Variants in PLD5 observed in about 807,000 individuals in gnomAD.
The protein encoded by PLD5 is inactive phospholipase D5.
In PLD5, 36 loss-of-function variants were observed where a neutral mutation model predicts 61.1. The ratio of observed to expected loss-of-function variants is 0.59; its 90% CI spans 0.45 to 0.78. The LOEUF (loss-of-function observed/expected upper bound fraction) is 0.78, where lower values mean the gene tolerates loss of function less well. Ranked by LOEUF, PLD5 falls within the 30% of genes least tolerant of loss-of-function variation. The probability of loss-of-function intolerance (pLI) is 0.00; values close to 1 mark genes in which losing one functional copy is unlikely to be tolerated. For missense variants in PLD5, 515 were observed against 644.4 expected (o/e 0.80, Z 2.17); for synonymous variants, 243 against 242.8 (o/e 1.00, Z -0.01).
chr1:242,136,405 G>C (rs151258304), intron 5 of PLD5, among the ~76,000 whole-genome samples: 42 of 152,194 alleles, frequency 2.8e-4, no homozygotes, highest in African/African-American at 1.0e-3. Flanking sequence ...CTTGTAGACT[G>C]GTCGTATTTT....
chr1:242,492,734 T>C (rs151056891), intron 1 of PLD5, among the ~76,000 whole-genome samples: 3 of 152,240 alleles, frequency 2.0e-5, no homozygotes, highest in Admixed American at 2.0e-4. Flanking sequence ...GGCTGGGAAG[T>C]CCAAGAACAA....
intron 1 of PLD5, among the ~76,000 whole-genome samples, chr1:242,428,813 GAA>G (rs1665566912): frequency 2.0e-5 from 3 of 152,146 alleles, no homozygotes; most frequent in Non-Finnish European, 4.4e-5. Context: ...AAGAAGGGAA[GAA>G]ATCACGATGA....
chr1:242,158,460 T>C (rs979408939), intron 5 of PLD5, among the ~76,000 whole-genome samples: 2 of 152,136 alleles, frequency 1.3e-5, no homozygotes, highest in Admixed American at 1.3e-4. Flanking sequence ...AGAGGGAATC[T>C]CCTGGTCTGC....
intron 4 of PLD5, among the ~76,000 whole-genome samples, chr1:242,250,024 C>T (rs1023838356): frequency 1.3e-5 from 2 of 152,142 alleles, no homozygotes; most frequent in African/African-American, 4.8e-5. Context: ...GCATGGTTCC[C>T]TTCATATGAA....
intron 5 of PLD5, among the ~76,000 whole-genome samples, chr1:242,167,243 G>GAC (rs1291342381): frequency 6.6e-6 from 1 of 152,080 alleles, no homozygotes; most frequent in African/African-American, 2.4e-5. Context: ...TGCTAATAAA[G>GAC]ACATATCCAA....
intron 1 of PLD5, among the ~76,000 whole-genome samples, chr1:242,360,753 A>C (rs372277695): frequency 0.021 from 3,220 of 152,220 alleles, 50 homozygotes; most frequent in East Asian, 0.033. Flanking sequence ...ATCTCCTTTA[A>C]CCAAAAAAAC....
intron 9 of PLD5, among the ~76,000 whole-genome samples, chr1:242,091,839 T>C (rs150681630): frequency 0.014 from 2,177 of 150,614 alleles, 52 homozygotes; most frequent in African/African-American, 0.05. Flanking sequence ...TTTCTTTTTT[T>C]TTTTTTTTGA....
At chr1:242,482,279 G>A (rs1486011751) in intron 1 of PLD5, among the ~76,000 whole-genome samples, 4 of 152,218 alleles carry the variant, frequency 2.6e-5, no homozygotes, top group African/African-American at 7.2e-5. Context: ...GAGCAAGTTC[G>A]AACCCATGGC....
intron 1 of PLD5, among the ~76,000 whole-genome samples, chr1:242,491,222 G>A (rs565968592): frequency 2.6e-5 from 4 of 152,046 alleles, no homozygotes; most frequent in Non-Finnish European, 5.9e-5. Flanking sequence ...TAGACCTTTC[G>A]AGTCCACATT....
At chr1:242,310,006 C>T (rs1272375663) in intron 2 of PLD5, among the ~76,000 whole-genome samples, 2 of 151,506 alleles carry the variant, frequency 1.3e-5, no homozygotes, top group Non-Finnish European at 2.9e-5. Context: ...TTTCAGTCTT[C>T]ACACTTAAAT....
At chr1:242,091,923 G>C (rs1659865280) in intron 9 of PLD5, among the ~76,000 whole-genome samples, 1 of 151,210 alleles carries the variant, frequency 6.6e-6, no homozygotes, top group Non-Finnish European at 1.5e-5. Context: ...TGCCTCCTGG[G>C]TTCAAGCAAT....
chr1:242,104,684 A>T (rs1265533866), intron 8 of PLD5, among the ~76,000 whole-genome samples: 1 of 152,122 alleles, frequency 6.6e-6, no homozygotes, highest in Non-Finnish European at 1.5e-5. Flanking sequence ...AAATATTATT[A>T]TCTCTTAAGT....
chr1:242,336,452 A>G (rs536166684), intron 2 of PLD5, among the ~76,000 whole-genome samples: 6 of 152,286 alleles, frequency 3.9e-5, no homozygotes, highest in South Asian at 2.1e-4. Context: ...TATTTATATC[A>G]TATTCATACA....
intron 1 of PLD5, among the ~76,000 whole-genome samples, chr1:242,393,510 GTA>G (rs200457269): frequency 0.91 from 62,327 of 68,570 alleles, 29,873 homozygotes; most frequent in East Asian, 0.98. Flanking sequence ...GTATATATGA[GTA>G]TATATATATG....
At chr1:242,386,314 A>G (rs915778795) in intron 1 of PLD5, among the ~76,000 whole-genome samples, 1 of 152,200 alleles carries the variant, frequency 6.6e-6, no homozygotes, top group African/African-American at 2.4e-5. Flanking sequence ...TGACTTGCTC[A>G]TATCAAAGGA....
At chr1:242,509,831 G>A (rs935679632) in intron 1 of PLD5, among the ~76,000 whole-genome samples, 4 of 152,132 alleles carry the variant, frequency 2.6e-5, no homozygotes, top group South Asian at 4.1e-4. Flanking sequence ...ATTACTCGGC[G>A]GCTTATTGGG....
chr1:242,355,364 A>C (rs1449829913), intron 1 of PLD5, among the ~76,000 whole-genome samples: 1 of 152,130 alleles, frequency 6.6e-6, no homozygotes, highest in Non-Finnish European at 1.5e-5. Context: ...GTATGTGTCT[A>C]GAAATTTATT....
chr1:242,324,315 A>G (rs1044216888), intron 2 of PLD5, among the ~76,000 whole-genome samples: 3 of 152,252 alleles, frequency 2.0e-5, no homozygotes, highest in African/African-American at 7.2e-5. Context: ...GCAGTACAGA[A>G]TTTCCATTAA....
chr1:242,121,181 A>C (rs555743122), intron 6 of PLD5, among the ~76,000 whole-genome samples: 1 of 152,214 alleles, frequency 6.6e-6, no homozygotes, highest in Non-Finnish European at 1.5e-5. Flanking sequence ...TAATATTACT[A>C]CTAATAAAAC....
Sources: allele counts gnomAD v4.1 joint callset (sites outside exome capture counted in the v4.1 genomes callset), GRCh38; gene constraint gnomAD v4.1.1; transcripts MANE v1.5; gene names NCBI Gene and HGNC (gene_info 2026-07-23, HGNC 2026-07-21).